PCDHGA6: variants seen among roughly 807,000 people sequenced by gnomAD.
PCDHGA6 encodes protocadherin gamma-A6.
Under a neutral mutation model 60.6 loss-of-function variants are expected in PCDHGA6, and 41 were observed. The observed-to-expected ratio is 0.68, with a 90% confidence interval of 0.53 to 0.88. The LOEUF is 0.88. Among genes scored for constraint, PCDHGA6 ranks in the 40% least tolerant of loss-of-function variants. PCDHGA6 has a pLI of 0.00. For synonymous variants in PCDHGA6, 594 were observed against 524.4 expected, an observed-to-expected ratio of 1.13 and a Z score of -1.81; for missense variants, 1,312 against 1,203.0, an observed-to-expected ratio of 1.09 and a Z score of -1.34.
At chr5:141,423,120 G>A in intron 1 of PCDHGA6, 1 of 1,613,800 alleles carries the variant, frequency 6.2e-7, no homozygotes. Flanking sequence ...GTACAGCGCG[G>A]GCACTGCTGG....
chr5:141,489,470 T>C lies in PCDHGA6; in HGVS notation c.2425-5337T>C, dbSNP rs1030378524. 1 of 1,613,874 alleles carries C rather than the reference T, an allele frequency of 6.2e-7. No homozygotes were observed. The highest frequency in any genetic ancestry group is 8.5e-7 in the Non-Finnish European group (1 of 1,179,838). ...GAGGAGAATGGGCGCTATTTTTCCCTGAGCTTGATGAGTGGTGCCCTGGCA... is the reference window on the plus strand; with the variant it reads ...GAGGAGAATGGGCGCTATTTTTCCCCGAGCTTGATGAGTGGTGCCCTGGCA... On this transcript the variant is annotated intron_variant, in intron 1 of 3. Transcript: ENST00000517434. This position sits in a 1 kb window ranked among gnomAD's most constrained non-coding sequence, Gnocchi z 4.5.
chr5:141,507,478 C>A (rs933478897), intron 3 of PCDHGA6, among the ~76,000 whole-genome samples: 3 of 152,158 alleles, frequency 2.0e-5, no homozygotes, highest in Non-Finnish European at 4.4e-5. Context: ...GGACTGCTGG[C>A]CTCCTGAGGC....
intron 1 of PCDHGA6, chr5:141,385,185 C>T: frequency 1.2e-6 from 2 of 1,614,214 alleles, no homozygotes; most frequent in African/African-American, 1.3e-5. Context: ...TCACCGCGGA[C>T]TCTCGGAAGA....
At chr5:141,433,400 TATCTATTA>T (rs1426636766) in intron 1 of PCDHGA6, among the ~76,000 whole-genome samples, 16 of 151,506 alleles carry the variant, frequency 1.1e-4, no homozygotes, top group African/African-American at 3.4e-4. Context: ...TCTATCTATC[TATCTATTA>T]CTTTCTTGTA....
chr5:141,500,175 CA>C (rs762724660), intron 2 of PCDHGA6, among the ~76,000 whole-genome samples: 15 of 147,258 alleles, frequency 1.0e-4, no homozygotes, highest in Non-Finnish European at 1.5e-4. Flanking sequence ...GCATGAGCTT[CA>C]TTTTTATTTT....
Position 141,393,354 on chromosome 5 carries a change from G to A in PCDHGA6, c.2424+16847G>A, listed in dbSNP as rs781276983. The A allele has an allele frequency of 2.4e-5, 39 of 1,613,824 alleles. No homozygotes were observed. The East Asian group carries it at 4.5e-4, about 18-fold the overall frequency. ...CAGCCCCAATCACCACTTCTCCCTG[G>A]ACGTGCAGACTGGAGACAATGGAGC... On this transcript the variant is annotated intron_variant, in intron 1 of 3. Coordinates refer to ENST00000517434, the MANE Select transcript of PCDHGA6 (RefSeq NM_018919.3).
chr5:141,403,109 G>T, intron 1 of PCDHGA6: 2 of 1,614,074 alleles, frequency 1.2e-6, no homozygotes, highest in Non-Finnish European at 1.7e-6. Flanking sequence ...CAAGGACCTG[G>T]CTCTGGAGCC....
intron 3 of PCDHGA6, 62 bp downstream of exon 3, chr5:141,505,543 C>T: frequency 6.2e-7 from 1 of 1,609,636 alleles, no homozygotes; most frequent in Non-Finnish European, 8.5e-7. Flanking sequence ...GTGCATCTCA[C>T]AGCCACCATG....
At chr5:141,455,449 G>A (rs1421095381) in intron 1 of PCDHGA6, among the ~76,000 whole-genome samples, 1 of 152,126 alleles carries the variant, frequency 6.6e-6, no homozygotes, top group Non-Finnish European at 1.5e-5. Flanking sequence ...CATCTACCGC[G>A]GATACCAGCC....
intron 1 of PCDHGA6, chr5:141,419,425 C>A (rs3749766): frequency 2.5e-6 from 4 of 1,613,316 alleles, no homozygotes; most frequent in Non-Finnish European, 3.4e-6. Context: ...CCTTCGACCA[C>A]GAGCAGCTGC....
At chr5:141,410,849 C>CTTTTTTGTTTTTTTTTTTTTTT (rs2095433183) in intron 1 of PCDHGA6, 1 of 129,786 alleles carries the variant, frequency 7.7e-6, no homozygotes, top group African/African-American at 6.0e-5. Flanking sequence ...TTGTCTTTGT[C>CTTTTTTGTTTTTTTTTTTTTTT]TTTTTTTTTT....
chr5:141,464,306 A>G (rs1438401635), intron 1 of PCDHGA6, among the ~76,000 whole-genome samples: 3 of 150,952 alleles, frequency 2.0e-5, no homozygotes. Context: ...TTGTATGTGC[A>G]CATATCATTA....
Position 141,375,864 on chromosome 5 carries a change from T to G in PCDHGA6, c.1781T>G (p.Val594Gly). ...PGYLVTKVVA[V>G]DRDSGQNAWL... is the part of the protein sequence containing the mutation. ...TACCTGGTGACCAAGGTGGTGGCGG[T>G]GGACAGAGACTCGGGCCAGAACGCC... The change falls in exon 1 of 4, where the codon GTG becomes GGG. Residue 594 changes from valine to glycine, a missense_variant. Physicochemically the swap from Val to Gly is moderately radical, Grantham distance 109. Coordinates refer to ENST00000517434, the MANE Select transcript of PCDHGA6 (RefSeq NM_018919.3). 1 of 1,613,866 alleles carries G rather than the reference T, an allele frequency of 6.2e-7. No individual in the cohort carries two copies. Among genetic ancestry groups the G allele is most frequent in the African/African-American group, 1.3e-5 (1 of 75,024 alleles).
intron 2 of PCDHGA6, among the ~76,000 whole-genome samples, chr5:141,496,492 C>A (rs2099769172): frequency 6.6e-6 from 1 of 152,186 alleles, no homozygotes; most frequent in Non-Finnish European, 1.5e-5. Context: ...CCAACCAAAC[C>A]CTTGTTGCCA....
intron 1 of PCDHGA6, among the ~76,000 whole-genome samples, chr5:141,386,518 A>C (rs2090605382): frequency 0.01 from 1 of 96 alleles, no homozygotes; most frequent in Non-Finnish European, 0.017. Flanking sequence ...TCTTCAAAAA[A>C]AGACTCTTTT....
intron 1 of PCDHGA6, among the ~76,000 whole-genome samples, chr5:141,462,023 A>T (rs927945421): frequency 1.3e-5 from 2 of 152,112 alleles, no homozygotes; most frequent in African/African-American, 4.8e-5. Flanking sequence ...GGGTTTCTTC[A>T]TGTTGGTCAG....
chr5:141,424,036 C>A, intron 1 of PCDHGA6: 1 of 1,029,606 alleles, frequency 9.7e-7, no homozygotes, highest in Non-Finnish European at 1.2e-6. Context: ...CTTTTTATTT[C>A]CATTTCAATT....
rs70988800 is a variant in PCDHGA6, at chr5:141,379,889, C to CTTTTTTTTTTTTTTTTTTTTTTT, written c.2424+3390_2424+3412dup. Among the ~76,000 whole-genome samples the CTTTTTTTTTTTTTTTTTTTTTTT allele has an allele frequency of 1.4e-3, 69 of 50,828 alleles. 14 individuals are homozygous for CTTTTTTTTTTTTTTTTTTTTTTT. The highest frequency in any genetic ancestry group is 2.0e-3 in the Non-Finnish European group (53 of 25,880). 33.3% of individuals were successfully genotyped at this position (50,828 alleles called of 152,430 possible). Reference sequence around the variant, plus strand: ...CTTATTTTATGGTCTGTGAAAGCCTCTTTTTTTTTTTTTTTTTTTTTTTTT... The same window carrying CTTTTTTTTTTTTTTTTTTTTTTT: ...CTTATTTTATGGTCTGTGAAAGCCTCTTTTTTTTTTTTTTTTTTTTTTTTTTTTTTTTTTTTTTTTTTTTTTTT... On this transcript the variant is annotated intron_variant, in intron 1 of 3. Coordinates refer to ENST00000517434, the MANE Select transcript of PCDHGA6 (RefSeq NM_018919.3).
chr5:141,447,919 C>G (rs940570932), intron 1 of PCDHGA6, among the ~76,000 whole-genome samples: 2 of 152,012 alleles, frequency 1.3e-5, no homozygotes, highest in East Asian at 1.9e-4. Context: ...AACTCTGTCT[C>G]CACTAAAAAT....
Sources: allele counts gnomAD v4.1 joint callset (sites outside exome capture counted in the v4.1 genomes callset), GRCh38; gene constraint gnomAD v4.1.1; non-coding constraint Gnocchi (gnomAD v3.1); transcripts MANE v1.5; gene names NCBI Gene and HGNC (gene_info 2026-07-23, HGNC 2026-07-21).